CYP2B6: variants seen among roughly 807,000 people sequenced by gnomAD.
The protein encoded by CYP2B6 is cytochrome P450 family 2 subfamily B member 6, also known as cytochrome P450 2B6.
In CYP2B6, 35 loss-of-function variants were observed where a neutral mutation model predicts 43.4. The observed-to-expected ratio is 0.81, with a 90% CI of 0.62 to 1.07. The LOEUF is 1.07. Ranked by LOEUF, CYP2B6 falls within the 50% of genes least tolerant of loss-of-function variation. The pLI, the probability that CYP2B6 is intolerant of heterozygous loss-of-function variation, is 0.00. For missense variants in CYP2B6, 624 were observed against 632.8 expected (o/e 0.99, Z 0.15); for synonymous variants, 239 against 239.2 (o/e 1.00, Z 0.01).
intron 8 of CYP2B6, 130 bp from the exon 9 acceptor site, chr19:41,016,516 A>G: frequency 1.1e-6 from 1 of 888,248 alleles, no homozygotes; most frequent in Non-Finnish European, 1.8e-6. Flanking sequence ...GTCCACCCTG[A>G]ATTGTAGGTT....
intron 6 of CYP2B6, among the ~76,000 whole-genome samples, chr19:41,011,407 T>A (rs141777693): frequency 1.3e-3 from 204 of 152,350 alleles, no homozygotes; most frequent in African/African-American, 4.7e-3. Context: ...TCTTTGTCTA[T>A]GGATCATTCA....
rs539214999 is a variant in CYP2B6 at position 41,014,042 on chromosome 19, T to C, written c.1294+1227T>C. On this transcript the variant is annotated intron_variant, in intron 8 of 8. Coordinates refer to ENST00000324071, the MANE Select transcript of CYP2B6 (RefSeq NM_000767.5). ...CTCTCAAGTTTGTTTACATGTTGAG[T>C]TACATTACAATTTGTTATGTAGGGA... is the stretch of plus-strand genomic sequence containing the variant. Among the ~76,000 whole-genome samples the C allele has an allele frequency of 2.6e-5, 4 of 152,314 alleles. No homozygotes were observed. The South Asian group carries it at 8.3e-4, about 32-fold the overall frequency.
At chr19:40,994,598 A>G (rs1232371915) in intron 1 of CYP2B6, among the ~76,000 whole-genome samples, 3 of 152,072 alleles carry the variant, frequency 2.0e-5, no homozygotes, top group Non-Finnish European at 4.4e-5. Flanking sequence ...AAGTGCTGGG[A>G]TTACAAGCAT....
At chr19:41,016,578 A>T in intron 8 of CYP2B6, 68 bp from the exon 9 acceptor site, 2 of 1,550,846 alleles carry the variant, frequency 1.3e-6, no homozygotes, top group Non-Finnish European at 1.8e-6. Context: ...GTCTGGGCTT[A>T]GGGACATGGC....
intron 5 of CYP2B6, 86 bp from the exon 6 acceptor site, chr19:41,009,908 C>A: frequency 1.3e-6 from 2 of 1,565,618 alleles, no homozygotes. Flanking sequence ...TTTAGGCCAA[C>A]GGAGGGCAGC....
chr19:40,995,733 T>G (rs1285511143), intron 1 of CYP2B6, among the ~76,000 whole-genome samples: 2 of 152,166 alleles, frequency 1.3e-5, no homozygotes, highest in Non-Finnish European at 2.9e-5. Context: ...TGGATCTGAT[T>G]GCCATCAATC....
At chr19:41,007,129 A>G in intron 4 of CYP2B6, 64 bp downstream of exon 4, 1 of 1,512,688 alleles carries the variant, frequency 6.6e-7, no homozygotes, top group East Asian at 2.3e-5. Flanking sequence ...CACACGAGAA[A>G]AGGATGACCT....
intron 7 of CYP2B6, 74 bp downstream of exon 7, chr19:41,012,559 T>C: frequency 1.2e-6 from 2 of 1,609,334 alleles, no homozygotes; most frequent in Non-Finnish European, 1.7e-6. Context: ...ACTCAACCTT[T>C]TGTTAGCTCC....
Position 41,007,076 on chromosome 19 carries a change from C to T in CYP2B6, c.645+11C>T, listed in dbSNP as rs547759915. The T allele has an allele frequency of 1.0e-4, 168 of 1,613,030 alleles. No homozygotes were observed. Among genetic ancestry groups the T allele is most frequent in the South Asian group, 1.2e-4 (11 of 91,044 alleles). On this transcript the variant is annotated intron_variant, in intron 4 of 8. Coordinates refer to ENST00000324071, the MANE Select transcript of CYP2B6 (RefSeq NM_000767.5). The stretch of plus-strand genomic sequence containing the variant: ...TCTGTATTCGGCCAGGTCAGGGAGA[C>T]GGAGAGGGACAGGGGGTGTGGGGGT...
At position 41,011,149 on chromosome 19, in the gene CYP2B6, C is replaced by A. The variant is rs566820335; in HGVS notation, c.964+1014C>A. Among the ~76,000 whole-genome samples the A allele has an allele frequency of 3.9e-5, 6 of 152,168 alleles. No individual in the cohort carries two copies. In the South Asian group the frequency reaches 8.3e-4, roughly 21 times the overall value. On this transcript the variant is annotated intron_variant, in intron 6 of 8. Transcript: ENST00000324071. Reference sequence around the variant, plus strand: ...TTCATTCATTCATGCATTCATCCATCCTTCTACGAACTAGGTTTCACTCTT... The same window carrying A: ...TTCATTCATTCATGCATTCATCCATACTTCTACGAACTAGGTTTCACTCTT...
intron 1 of CYP2B6, among the ~76,000 whole-genome samples, chr19:40,993,495 C>T (rs1415940962): frequency 1.3e-5 from 2 of 152,116 alleles, no homozygotes; most frequent in Non-Finnish European, 2.9e-5. Context: ...GGAAGAGCCT[C>T]TTATAAAACC....
rs189970623 is a variant in CYP2B6 at position 41,009,368 on chromosome 19, C to A, written c.795C>A (p.Ile265=). 3 of 1,579,086 alleles carry A rather than the reference C, an allele frequency of 1.9e-6. No individual in the cohort carries two copies. Among genetic ancestry groups the A allele is most frequent in the African/African-American group, 2.8e-5 (2 of 72,258 alleles). Reference sequence around the variant, plus strand: ...ACCCCAGCGCCCCCAAGGACCTCATCGACACCTACCTGCTCCACATGGAAA... The same window carrying A: ...ACCCCAGCGCCCCCAAGGACCTCATAGACACCTACCTGCTCCACATGGAAA... ...TLDPSAPKDL[I]DTYLLHMEKE... Residue 265 remains isoleucine (I), a synonymous_variant, in exon 5 of 9, where the codon ATC becomes ATA. Transcript: ENST00000324071.
At chr19:41,008,690 A>T (rs1198965313) in intron 4 of CYP2B6, among the ~76,000 whole-genome samples, 3 of 152,184 alleles carry the variant, frequency 2.0e-5, no homozygotes, top group South Asian at 2.1e-4. Context: ...TAAGAAGGAA[A>T]TTTACATCTG....
intron 1 of CYP2B6, among the ~76,000 whole-genome samples, chr19:41,002,617 G>C (rs1482888154): frequency 1.3e-5 from 2 of 151,950 alleles, no homozygotes; most frequent in Admixed American, 1.3e-4. Flanking sequence ...GCACTATCTC[G>C]CCTCACTGCA....
intron 4 of CYP2B6, 40 bp downstream of exon 4, chr19:41,007,105 G>A (rs749059673): frequency 3.8e-6 from 6 of 1,597,300 alleles, no homozygotes; most frequent in Non-Finnish European, 5.1e-6. Context: ...TGGGGGTGAG[G>A]TGAACACCCA....
intron 3 of CYP2B6, among the ~76,000 whole-genome samples, chr19:41,005,640 G>A (rs1188782568): frequency 6.6e-6 from 1 of 151,998 alleles, no homozygotes; most frequent in East Asian, 1.9e-4. Context: ...AATTAGCCAG[G>A]CTTGGTAGCA....
Position 41,016,941 on chromosome 19 carries a change from C to G in CYP2B6, c.*114C>G. ...TGCCTCTGAGAGACCTGCTACAAGC[C>G]AGCTTCCTTCCCCTCCATGGCACCA... is the stretch of plus-strand genomic sequence containing the variant. On this transcript the variant is annotated 3_prime_UTR_variant, in exon 9 of 9. Transcript: ENST00000324071. 1 of 1,115,158 alleles carries G rather than the reference C, an allele frequency of 9.0e-7. No individual in the cohort carries two copies. Among genetic ancestry groups the G allele is most frequent in the Non-Finnish European group, 1.3e-6 (1 of 779,464 alleles). The allele number at this position is 1,115,158 out of a possible 1,614,324, so 69.1% of individuals were successfully genotyped here. A position where few individuals can be genotyped will look rare whatever the true frequency, so the allele number is the denominator to read the frequency against.
intron 1 of CYP2B6, among the ~76,000 whole-genome samples, chr19:40,995,795 T>C (rs1372345579): frequency 6.6e-6 from 1 of 152,174 alleles, no homozygotes; most frequent in African/African-American, 2.4e-5. Flanking sequence ...CTTTGCCTAA[T>C]GATATTTGTT....
intron 8 of CYP2B6, among the ~76,000 whole-genome samples, chr19:41,014,198 G>C (rs762970952): frequency 6.6e-6 from 1 of 152,154 alleles, no homozygotes; most frequent in East Asian, 1.9e-4. Flanking sequence ...CCGGTTTTGC[G>C]CAGTACAGTG....
Sources: gnomAD v4.1 joint callset for allele counts (sites outside exome capture counted in the v4.1 genomes callset) on GRCh38, gnomAD v4.1.1 for gene constraint, MANE v1.5 for transcripts, NCBI Gene and HGNC (gene_info 2026-07-23, HGNC 2026-07-21) for gene names.